Variants in LRRC7 observed in about 807,000 individuals in gnomAD.
LRRC7 encodes the protein leucine rich repeat containing 7.
In LRRC7, 23 loss-of-function variants were observed where a neutral mutation model predicts 175.7. The observed-to-expected ratio is 0.13, with a 90% CI of 0.09 to 0.19. LRRC7 has a LOEUF of 0.19. Among genes scored for constraint, LRRC7 ranks in the 10% least tolerant of loss-of-function variants. The pLI is 1.00. For missense variants in LRRC7, 1,354 were observed against 1,904.7 expected, an observed-to-expected ratio of 0.71 and a Z score of 5.38; for synonymous variants, 685 against 680.9, an observed-to-expected ratio of 1.01 and a Z score of -0.09.
chr1:69,759,051 A>G (rs1285008023), intron 2 of LRRC7, among the ~76,000 whole-genome samples: 1 of 151,992 alleles, frequency 6.6e-6, no homozygotes, highest in Admixed American at 6.6e-5. Flanking sequence ...TACATGGGGA[A>G]ATAGCCCACA....
At chr1:69,828,750 C>T (rs1680206904) in intron 5 of LRRC7, among the ~76,000 whole-genome samples, 1 of 151,872 alleles carries the variant, frequency 6.6e-6, no homozygotes, top group Admixed American at 6.6e-5. Context: ...TAATTTTAAG[C>T]TGCATAAATG....
chr1:69,881,039 A>G (rs1436648293), intron 7 of LRRC7, among the ~76,000 whole-genome samples: 1 of 152,188 alleles, frequency 6.6e-6, no homozygotes, highest in Non-Finnish European at 1.5e-5. Context: ...TGGATCCCCA[A>G]ACATGTGCAC....
At chr1:69,946,088 G>A (rs1016121350) in intron 8 of LRRC7, among the ~76,000 whole-genome samples, 5 of 152,158 alleles carry the variant, frequency 3.3e-5, no homozygotes, top group South Asian at 2.1e-4. Flanking sequence ...TTTCAGTGTC[G>A]AGCATGATGT....
intron 7 of LRRC7, among the ~76,000 whole-genome samples, chr1:69,869,259 G>A (rs562203645): frequency 6.6e-5 from 10 of 152,236 alleles, no homozygotes; most frequent in African/African-American, 2.4e-4. Flanking sequence ...GAGATGGAGA[G>A]AAAGGGACAA....
At chr1:69,934,493 G>C (rs1400355734) in intron 8 of LRRC7, among the ~76,000 whole-genome samples, 1 of 74,700 alleles carries the variant, frequency 1.3e-5, no homozygotes, top group African/African-American at 4.2e-5. Context: ...AGATATTTTG[G>C]CGGGGGGGGG....
intron 7 of LRRC7, among the ~76,000 whole-genome samples, chr1:69,865,366 G>A (rs886795760): frequency 1.3e-4 from 20 of 150,996 alleles, no homozygotes; most frequent in Non-Finnish European, 2.5e-4. Context: ...ATACAGCTAA[G>A]GTGAACTTTT....
chr1:69,801,729 A>AT (rs1016880374), intron 4 of LRRC7, among the ~76,000 whole-genome samples: 14 of 145,660 alleles, frequency 9.6e-5, no homozygotes, highest in East Asian at 4.1e-4. Flanking sequence ...TTCTGCTCTG[A>AT]TTTTTTTTAT....
chr1:69,965,194 G>A (rs1324472490), intron 8 of LRRC7, among the ~76,000 whole-genome samples: 4 of 152,276 alleles, frequency 2.6e-5, no homozygotes, highest in Non-Finnish European at 2.9e-5. Context: ...TGCTTCTGGT[G>A]CTATGCTTCT....
At chr1:69,663,762 CGGACT>C (rs1557565156) in intron 1 of LRRC7, among the ~76,000 whole-genome samples, 1 of 135,506 alleles carries the variant, frequency 7.4e-6, no homozygotes, top group Non-Finnish European at 1.5e-5. Context: ...TCGCCCAGGC[CGGACT>C]GCCGACTGCA....
chr1:69,713,591 T>C (rs1339270345), intron 2 of LRRC7, among the ~76,000 whole-genome samples: 1 of 152,130 alleles, frequency 6.6e-6, no homozygotes, highest in African/African-American at 2.4e-5. Context: ...GAAATTAAAT[T>C]ATCTGATTCC....
intron 19 of LRRC7, 97 bp downstream of exon 19, chr1:70,036,329 G>A (rs1659307424): frequency 1.4e-5 from 19 of 1,389,576 alleles, no homozygotes; most frequent in Non-Finnish European, 1.9e-5. Flanking sequence ...CTATACAAAT[G>A]TTTTACAAAT....
In LRRC7 at chr1:70,038,186, A is replaced by G. The variant is rs1312235722; in HGVS notation, c.2362A>G (p.Asn788Asp). Reference protein sequence around the residue: ...LSQREAVPPGNIPQRPDRLPM... With the variant: ...LSQREAVPPGDIPQRPDRLPM... The stretch of plus-strand genomic sequence containing the variant: ...CCAGCGGGAGGCTGTTCCCCCAGGC[A>G]ATATACCACAGCGTCCTGACCGGCT... The change falls in exon 21 of 27, where the codon AAT (asparagine) becomes GAT (aspartate). Residue 788 changes from asparagine (N) to aspartate (D), a missense_variant. Asn to Asp is a conservative substitution (Grantham distance 23, BLOSUM62 1). This residue lies in a region of LRRC7 where 1,032 missense variants were observed against 1,227.2 expected (regional missense o/e 0.84). Transcript: ENST00000651989. The G allele has an allele frequency of 6.2e-7, 1 of 1,614,142 alleles. No individual in the cohort carries two copies. Among genetic ancestry groups the G allele is most frequent in the South Asian group, 1.1e-5 (1 of 91,090 alleles).
chr1:70,051,232 C>T (rs1660722482), intron 22 of LRRC7, among the ~76,000 whole-genome samples: 3 of 151,852 alleles, frequency 2.0e-5, no homozygotes, highest in Non-Finnish European at 4.4e-5. Flanking sequence ...AAAAAGGAAA[C>T]CTATGTTAAA....
intron 4 of LRRC7, among the ~76,000 whole-genome samples, chr1:69,820,800 C>G (rs952250888): frequency 6.6e-6 from 1 of 152,050 alleles, no homozygotes; most frequent in East Asian, 1.9e-4. Context: ...TTTGCTATTG[C>G]GAACAGTGCT....
chr1:70,054,357 T>A (rs61782637), intron 23 of LRRC7, among the ~76,000 whole-genome samples: 19,537 of 152,106 alleles, frequency 0.13, 1,729 homozygotes, highest in African/African-American at 0.24. Flanking sequence ...GGCATACATA[T>A]GTAATACCAT....
At chr1:69,768,174 T>C (rs1456340364) in intron 3 of LRRC7, among the ~76,000 whole-genome samples, 1 of 152,150 alleles carries the variant, frequency 6.6e-6, no homozygotes, top group African/African-American at 2.4e-5. Context: ...TCCCCAACTC[T>C]TTAGAAAATA....
intron 8 of LRRC7, among the ~76,000 whole-genome samples, chr1:69,969,388 C>T (rs1271357303): frequency 6.6e-6 from 1 of 152,092 alleles, no homozygotes; most frequent in Non-Finnish European, 1.5e-5. Context: ...TCAAGAGATA[C>T]ACCTAACACA....
chr1:69,735,891 C>A (rs1414687885), intron 2 of LRRC7, among the ~76,000 whole-genome samples: 1 of 151,904 alleles, frequency 6.6e-6, no homozygotes, highest in Non-Finnish European at 1.5e-5. Flanking sequence ...GCCTCTCTCC[C>A]CCTACCACCC....
intron 3 of LRRC7, among the ~76,000 whole-genome samples, chr1:69,764,599 T>A (rs1325580952): frequency 6.6e-6 from 1 of 151,984 alleles, no homozygotes; most frequent in Non-Finnish European, 1.5e-5. Flanking sequence ...TGGAATTATA[T>A]CCTAGCATTG....
Sources: allele counts gnomAD v4.1 joint callset (sites outside exome capture counted in the v4.1 genomes callset), GRCh38; gene constraint gnomAD v4.1.1; regional missense constraint gnomAD v4.1.1; transcripts MANE v1.5; gene names NCBI Gene and HGNC (gene_info 2026-07-23, HGNC 2026-07-21).